The following DYNC2I1 variants were observed in gnomAD, a reference collection of about 807,000 sequenced individuals.
The protein encoded by DYNC2I1 is dynein 2 intermediate chain 1.
In DYNC2I1, 89 loss-of-function variants were observed where a neutral mutation model predicts 133.4. That is an observed-to-expected ratio of 0.67 (90% CI 0.56 to 0.80). The LOEUF is 0.80. DYNC2I1 is among the 30% of genes least tolerant of loss of function. The pLI, the probability that DYNC2I1 is intolerant of heterozygous loss-of-function variation, is 0.00. For missense variants in DYNC2I1, 1,291 were observed against 1,314.5 expected (o/e 0.98, Z 0.28); for synonymous variants, 504 against 484.3 (o/e 1.04, Z -0.54).
intron 1 of DYNC2I1, among the ~76,000 whole-genome samples, chr7:158,860,472 CT>C (rs1841773919): frequency 6.6e-6 from 1 of 152,176 alleles, no homozygotes; most frequent in Non-Finnish European, 1.5e-5. Flanking sequence ...TTTATTTGTA[CT>C]GAGATCATAC....
chr7:158,932,994 T>TGA (rs1850380844), intron 21 of DYNC2I1, among the ~76,000 whole-genome samples: 1 of 152,122 alleles, frequency 6.6e-6, no homozygotes, highest in African/African-American at 2.4e-5. Flanking sequence ...AGGCTGAGCT[T>TGA]GTGGTGCCTG....
chr7:158,922,234 A>G (rs1046435677), intron 15 of DYNC2I1, 143 bp from the exon 16 acceptor site: 2 of 746,396 alleles, frequency 2.7e-6, no homozygotes, highest in African/African-American at 3.5e-5. Context: ...ATCAAAACCT[A>G]CGTTTCATGT....
At chr7:158,921,782 C>G (rs1849120947) in intron 15 of DYNC2I1, among the ~76,000 whole-genome samples, 2 of 152,220 alleles carry the variant, frequency 1.3e-5, no homozygotes, top group Admixed American at 1.3e-4. Flanking sequence ...AGTTCTTTGA[C>G]TGAAGTTCTC....
intron 1 of DYNC2I1, among the ~76,000 whole-genome samples, chr7:158,867,014 A>AT (rs1279481597): frequency 7.0e-6 from 1 of 142,280 alleles, no homozygotes; most frequent in Non-Finnish European, 1.5e-5. Context: ...TTTGGACTAA[A>AT]TCTGTTTTTT....
intron 14 of DYNC2I1, 60 bp downstream of exon 14, chr7:158,914,381 T>C (rs571834446): frequency 2.2e-6 from 3 of 1,340,962 alleles, no homozygotes; most frequent in African/African-American, 1.5e-5. Context: ...TCATTCTACA[T>C]AGAAACATAG....
downstream of DYNC2I1, among the ~76,000 whole-genome samples, chr7:158,950,692 G>A (rs1478165505): frequency 2.0e-5 from 3 of 149,246 alleles, no homozygotes; most frequent in East Asian, 4.0e-4. Context: ...ATACTGCACC[G>A]GGACCAGCCT....
chr7:158,897,136 G>A (rs1401642285), intron 8 of DYNC2I1, among the ~76,000 whole-genome samples: 2 of 151,482 alleles, frequency 1.3e-5, no homozygotes, highest in East Asian at 1.9e-4. Context: ...GGTGCCTGCC[G>A]CCATGCCCAG....
intron 6 of DYNC2I1, among the ~76,000 whole-genome samples, 200 bp from the exon 7 acceptor site, chr7:158,886,821 G>T (rs559991194): frequency 6.6e-6 from 1 of 151,954 alleles, no homozygotes; most frequent in Non-Finnish European, 1.5e-5. Flanking sequence ...GGCTGGTCCC[G>T]AACTCCTGGC....
At chr7:158,890,215 CATCTT>C (rs1845066768) in intron 7 of DYNC2I1, among the ~76,000 whole-genome samples, 1 of 152,122 alleles carries the variant, frequency 6.6e-6, no homozygotes, top group African/African-American at 2.4e-5. Flanking sequence ...AATTTCATAA[CATCTT>C]ATATAATCCA....
chr7:158,923,798 G>A, intron 17 of DYNC2I1, 65 bp downstream of exon 17: 1 of 1,553,678 alleles, frequency 6.4e-7, no homozygotes, highest in Non-Finnish European at 8.7e-7. Context: ...GAGGAACAAA[G>A]CTTTACATGG....
rs781030406 is a variant in DYNC2I1 at position 158,871,479 on chromosome 7, A to C, written c.407A>C (p.Gln136Pro). ...DRRARKEELR[Q>P]TVAHHNLLGQ... The stretch of plus-strand genomic sequence containing the variant: ...AGGGCCCGGAAGGAAGAGCTCCGGC[A>C]GACCGTGGCCCACCACAACCTGCTG... Residue 136 changes from glutamine to proline, a missense_variant, in exon 3 of 25, where the codon CAG becomes CCG. Transcript: ENST00000407559. 5.9e-5 allele frequency: 91 copies of C among 1,548,462 alleles called. 1 individual carries two copies. In the South Asian group the frequency reaches 1.0e-3, roughly 17 times the overall value.
chr7:158,928,876 G>A (rs556223827), intron 20 of DYNC2I1, among the ~76,000 whole-genome samples: 3 of 152,168 alleles, frequency 2.0e-5, no homozygotes, highest in East Asian at 1.9e-4. Context: ...TGGTTGTGCC[G>A]TTAACTTGTT....
intron 4 of DYNC2I1, among the ~76,000 whole-genome samples, chr7:158,953,596 A>G (rs768782098): frequency 3.9e-5 from 6 of 152,124 alleles, no homozygotes; most frequent in Admixed American, 6.5e-5. Flanking sequence ...ACAAATAAAC[A>G]TAGCTGGGGG....
chr7:158,942,205 G>C, intron 24 of DYNC2I1, 57 bp downstream of exon 24: 1 of 1,354,678 alleles, frequency 7.4e-7, no homozygotes. Context: ...GGCCACGGGT[G>C]CCACTTACGG....
At chr7:158,860,642 A>T (rs1211720184) in intron 1 of DYNC2I1, among the ~76,000 whole-genome samples, 1 of 152,232 alleles carries the variant, frequency 6.6e-6, no homozygotes, top group Admixed American at 6.5e-5. Context: ...TTTATGGTCA[A>T]TGAAAATTTT....
At chr7:158,918,171 G>A (rs56351415) in intron 14 of DYNC2I1, among the ~76,000 whole-genome samples, 18 of 151,942 alleles carry the variant, frequency 1.2e-4, no homozygotes, top group African/African-American at 3.1e-4. Context: ...TTCTCACTAC[G>A]CAGCTCCCTC....
chr7:158,939,264 A>G (rs377186454), intron 23 of DYNC2I1, among the ~76,000 whole-genome samples: 6 of 119,344 alleles, frequency 5.0e-5, no homozygotes, highest in African/African-American at 1.7e-4. Flanking sequence ...CATCTCTACA[A>G]AAAAAAACCC....
At position 158,901,946 on chromosome 7, in the gene DYNC2I1, AT is replaced by A. The variant is rs1387256424; in HGVS notation, c.1137+133del. On this transcript the variant is annotated intron_variant, in intron 9 of 24. Transcript: ENST00000407559. ...TAATACTCAATATCTGGCTAGGTTG[AT>A]TTAGGTCAAGCTGTTACCTGTAAAA... The A allele has an allele frequency of 1.4e-5, 10 of 702,700 alleles. No individual in the cohort carries two copies. The African/African-American group carries it at 1.7e-4, about 12-fold the overall frequency. The allele number at this position is 702,700 out of a possible 1,614,324, so 43.5% of individuals were successfully genotyped here. A position where few individuals can be genotyped will look rare whatever the true frequency, so the allele number is the denominator to read the frequency against.
intron 4 of DYNC2I1, 133 bp from the exon 5 acceptor site, chr7:158,879,551 A>G (rs566202208): frequency 4.3e-5 from 40 of 935,498 alleles, no homozygotes; most frequent in South Asian, 3.6e-4. Flanking sequence ...TGTTTACTAC[A>G]GACACGATTT....
Sources: gnomAD v4.1 joint callset for allele counts (sites outside exome capture counted in the v4.1 genomes callset) on GRCh38, gnomAD v4.1.1 for gene constraint, MANE v1.5 for transcripts, NCBI Gene and HGNC (gene_info 2026-07-23, HGNC 2026-07-21) for gene names.